Variants in L3MBTL4 observed in about 807,000 individuals in gnomAD.
L3MBTL4 encodes the protein lethal(3)malignant brain tumor-like protein 4.
Under a neutral mutation model 84.5 loss-of-function variants are expected in L3MBTL4, and 70 were observed. That is an observed-to-expected ratio of 0.83 (90% confidence interval 0.68 to 1.01). L3MBTL4 has a LOEUF of 1.01. Among genes scored for constraint, L3MBTL4 ranks in the 50% least tolerant of loss-of-function variants. The pLI is 0.00. For missense variants in L3MBTL4, 715 were observed against 754.8 expected (o/e 0.95, Z 0.62); for synonymous variants, 274 against 259.8 (o/e 1.05, Z -0.52).
chr18:6,203,584 TA>T (rs2045740968), intron 12 of L3MBTL4, among the ~76,000 whole-genome samples: 1 of 152,090 alleles, frequency 6.6e-6, no homozygotes, highest in Non-Finnish European at 1.5e-5. Flanking sequence ...CAGCAAAACC[TA>T]CCACCCTCCT....
chr18:6,400,801 A>G (rs2055478552), intron 1 of L3MBTL4, among the ~76,000 whole-genome samples: 1 of 152,146 alleles, frequency 6.6e-6, no homozygotes, highest in African/African-American at 2.4e-5. Context: ...CACTCCCAAA[A>G]TCAAGCAACT....
chr18:6,158,727 G>A (rs2043198919), intron 13 of L3MBTL4, among the ~76,000 whole-genome samples: 1 of 152,204 alleles, frequency 6.6e-6, no homozygotes, highest in Non-Finnish European at 1.5e-5. Context: ...ACACATGGTA[G>A]AAGGTCAGTG....
Position 6,025,439 on chromosome 18 carries a change from C to T in L3MBTL4, c.1444+55442G>A, listed in dbSNP as rs534565713. On this transcript the variant is annotated intron_variant, in intron 16 of 18. Transcript: ENST00000317931. ...AAATCATAAACTTCAGACATGCCTA[C>T]GCCTTTTCATGCTATCAGTGTCTGA... is the stretch of plus-strand genomic sequence containing the variant. Among the ~76,000 whole-genome samples, 18 of 152,306 alleles carry T rather than the reference C, an allele frequency of 1.2e-4. No individual in the cohort carries two copies. In the South Asian group the frequency reaches 1.7e-3, roughly 14 times the overall value.
intron 16 of L3MBTL4, among the ~76,000 whole-genome samples, chr18:5,972,890 A>AAT (rs1567933770): frequency 1.1e-4 from 8 of 69,912 alleles, no homozygotes; most frequent in South Asian, 4.4e-4. Context: ...AATAGAACAG[A>AAT]AGAGAATAGA....
chr18:6,168,180 T>A (rs1288582290), intron 13 of L3MBTL4, among the ~76,000 whole-genome samples: 33 of 151,976 alleles, frequency 2.2e-4, no homozygotes, highest in Non-Finnish European at 2.8e-4. Context: ...TAAAAGAGGA[T>A]ACAAACAAAT....
chr18:6,065,384 T>C (rs113713127), intron 16 of L3MBTL4, among the ~76,000 whole-genome samples: 4,054 of 152,132 alleles, frequency 0.027, 163 homozygotes, highest in African/African-American at 0.093. Flanking sequence ...TAGGAAGGAT[T>C]CCTTCTTTAT....
At chr18:6,387,152 C>T (rs2054857102) in intron 1 of L3MBTL4, among the ~76,000 whole-genome samples, 1 of 152,202 alleles carries the variant, frequency 6.6e-6, no homozygotes, top group African/African-American at 2.4e-5. Context: ...CCTGGAACTA[C>T]AGGCTGGGCC....
At chr18:6,062,294 G>A (rs897219132) in intron 16 of L3MBTL4, among the ~76,000 whole-genome samples, 15 of 151,822 alleles carry the variant, frequency 9.9e-5, no homozygotes, top group Admixed American at 2.0e-4. Context: ...TAAACATTTC[G>A]CTCTACTCTC....
chr18:6,249,707 T>C (rs1304176406), intron 5 of L3MBTL4, among the ~76,000 whole-genome samples: 2 of 152,246 alleles, frequency 1.3e-5, no homozygotes, highest in African/African-American at 4.8e-5. Flanking sequence ...TTTTCCTTTT[T>C]AAAAATCTTA....
chr18:6,245,652 T>G (rs1006634640), intron 5 of L3MBTL4, among the ~76,000 whole-genome samples: 11 of 150,356 alleles, frequency 7.3e-5, no homozygotes, highest in Non-Finnish European at 1.6e-4. Context: ...TGCAGTGACA[T>G]GATCTCAGCT....
At chr18:6,171,319 G>A (rs1476628665) in intron 13 of L3MBTL4, among the ~76,000 whole-genome samples, 2 of 152,060 alleles carry the variant, frequency 1.3e-5, no homozygotes, top group East Asian at 1.9e-4. Flanking sequence ...AATTTAGAGA[G>A]GTTAATTTCC....
intron 12 of L3MBTL4, among the ~76,000 whole-genome samples, chr18:6,174,136 C>T (rs2044110007): frequency 6.7e-6 from 1 of 148,988 alleles, no homozygotes; most frequent in South Asian, 2.1e-4. Context: ...ATAGAACGAA[C>T]TCTACTCTTA....
At chr18:6,118,998 T>C (rs1598810684) in intron 14 of L3MBTL4, among the ~76,000 whole-genome samples, 1 of 142,574 alleles carries the variant, frequency 7.0e-6, no homozygotes, top group African/African-American at 2.6e-5. Flanking sequence ...GGTTTCTTTT[T>C]TTTTTTTTTT....
chr18:6,365,331 G>T (rs2053888515), intron 1 of L3MBTL4, among the ~76,000 whole-genome samples: 1 of 152,164 alleles, frequency 6.6e-6, no homozygotes, highest in South Asian at 2.1e-4. Flanking sequence ...GAATGTCTAA[G>T]GAGCTGTTAT....
chr18:5,989,999 G>A (rs569805837), intron 16 of L3MBTL4, among the ~76,000 whole-genome samples: 23 of 152,304 alleles, frequency 1.5e-4, no homozygotes, highest in African/African-American at 4.6e-4. Flanking sequence ...GACAGGTGGC[G>A]TGAGATGAGC....
intron 1 of L3MBTL4, among the ~76,000 whole-genome samples, chr18:6,403,326 A>G (rs2055588502): frequency 6.6e-6 from 1 of 152,208 alleles, no homozygotes; most frequent in Non-Finnish European, 1.5e-5. Flanking sequence ...ACTTTAGCAA[A>G]TACTGTTCAC....
rs201102822 is a variant in L3MBTL4 at position 6,138,205 on chromosome 18, C to T, written c.1188G>A (p.Ser396=). ...GIGHIRGPRY[S]GHHSAFGCPY... ...AAGAAAAATGTTACCTGTGATGTCC[C>T]GAATAACGTGGACCACGGATATGGC... The change falls in exon 14 of 19, where the codon TCG becomes TCA. Residue 396 remains serine (S), a synonymous_variant. Transcript: ENST00000317931. The T allele has an allele frequency of 1.6e-5, 25 of 1,609,222 alleles. No individual in the cohort carries two copies. The highest frequency in any genetic ancestry group is 1.6e-4 in the Middle Eastern group (1 of 6,074).
intron 16 of L3MBTL4, among the ~76,000 whole-genome samples, chr18:6,046,201 A>G (rs947742906): frequency 6.6e-6 from 1 of 152,208 alleles, no homozygotes; most frequent in Admixed American, 6.5e-5. Flanking sequence ...CAACTAGAAG[A>G]CTTAGCTATC....
At chr18:6,260,548 T>G (rs1055012510) in intron 5 of L3MBTL4, 5 of 152,322 alleles carry the variant, frequency 3.3e-5, no homozygotes, top group African/African-American at 1.2e-4. Flanking sequence ...GTGTGCCTAT[T>G]GTAATTGGGA....
Sources: gnomAD v4.1 joint callset for allele counts (sites outside exome capture counted in the v4.1 genomes callset) on GRCh38, gnomAD v4.1.1 for gene constraint, MANE v1.5 for transcripts, NCBI Gene and HGNC (gene_info 2026-07-23, HGNC 2026-07-21) for gene names.